The following VRK2 variants were observed in gnomAD, a reference collection of about 807,000 sequenced individuals.
VRK2 encodes VRK serine/threonine kinase 2, also known as serine/threonine-protein kinase VRK2.
In VRK2, 60 loss-of-function variants were observed where a neutral mutation model predicts 57.6. That is an observed-to-expected ratio of 1.04 (90% CI 0.85 to 1.29). The LOEUF (loss-of-function observed/expected upper bound fraction) is 1.29. VRK2 is among the 50% of genes most tolerant of loss of function. The pLI, the probability that VRK2 is intolerant of heterozygous loss-of-function variation, is 0.00. For synonymous variants in VRK2, 231 were observed against 199.2 expected, an observed-to-expected ratio of 1.16 and a Z score of -1.35; for missense variants, 705 against 588.1, an observed-to-expected ratio of 1.20 and a Z score of -2.06.
chr2:58,112,744 T>G (rs1260037511), intron 7 of VRK2, among the ~76,000 whole-genome samples: 1 of 151,966 alleles, frequency 6.6e-6, no homozygotes, highest in Non-Finnish European at 1.5e-5. Context: ...TTAGGGGAAG[T>G]GAATGAGCCC....
intron 7 of VRK2, among the ~76,000 whole-genome samples, chr2:58,107,116 G>A (rs1329991310): frequency 1.3e-5 from 2 of 152,020 alleles, no homozygotes; most frequent in African/African-American, 4.8e-5. Context: ...GGTTTCATAA[G>A]TATGCATGTA....
intron 1 of VRK2, among the ~76,000 whole-genome samples, chr2:57,930,824 A>G (rs1021839205): frequency 2.6e-5 from 4 of 152,214 alleles, no homozygotes; most frequent in African/African-American, 7.2e-5. Flanking sequence ...AATACCACAT[A>G]TAAGAGATAT....
chr2:58,010,071 C>G (rs1673374409), intron 1 of VRK2, among the ~76,000 whole-genome samples: 1 of 152,040 alleles, frequency 6.6e-6, no homozygotes, highest in Admixed American at 6.6e-5. Context: ...AAGCCTAGGG[C>G]AGGATTTATT....
At chr2:58,055,373 A>G (rs1466355374) in intron 2 of VRK2, among the ~76,000 whole-genome samples, 1 of 152,220 alleles carries the variant, frequency 6.6e-6, no homozygotes, top group Admixed American at 6.5e-5. Flanking sequence ...TTTGTGCTTA[A>G]GGTTAAAGGA....
At chr2:58,155,544 T>G (rs900298000) in intron 12 of VRK2, among the ~76,000 whole-genome samples, 2 of 152,072 alleles carry the variant, frequency 1.3e-5, no homozygotes, top group Non-Finnish European at 2.9e-5. Flanking sequence ...TGGGAAAGGT[T>G]GTCAGAGCTC....
intron 1 of VRK2, among the ~76,000 whole-genome samples, chr2:57,954,215 A>C (rs1465980829): frequency 6.6e-6 from 1 of 152,154 alleles, no homozygotes; most frequent in African/African-American, 2.4e-5. Flanking sequence ...AATATTATGC[A>C]ATACTTATTT....
At chr2:58,136,896 A>G (rs1454279921) in intron 10 of VRK2, among the ~76,000 whole-genome samples, 33 of 13,050 alleles carry the variant, frequency 2.5e-3, no homozygotes, top group East Asian at 0.062. Context: ...ATATATGTGT[A>G]TATATATCAT....
chr2:57,953,923 A>T (rs1671503703), intron 1 of VRK2, among the ~76,000 whole-genome samples: 1 of 152,210 alleles, frequency 6.6e-6, no homozygotes, highest in Non-Finnish European at 1.5e-5. Context: ...AATAATAGAT[A>T]ATATTACTTA....
chr2:58,066,820 G>A (rs1376199755), intron 2 of VRK2, among the ~76,000 whole-genome samples: 1 of 152,114 alleles, frequency 6.6e-6, no homozygotes, highest in Non-Finnish European at 1.5e-5. Flanking sequence ...GGTTTTTAAG[G>A]AATTGCTCCA....
chr2:58,020,966 T>C (rs1186791677), intron 1 of VRK2, among the ~76,000 whole-genome samples: 1 of 152,142 alleles, frequency 6.6e-6, no homozygotes, highest in Non-Finnish European at 1.5e-5. Flanking sequence ...GTTTTAAAAA[T>C]GGATAAAACT....
In VRK2 at chr2:58,159,737, C is replaced by G. The variant is rs1306990749; in HGVS notation, c.*44C>G. 6.2e-7 allele frequency: 1 copy of G among 1,612,716 alleles called. No individual in the cohort carries two copies. The highest frequency in any genetic ancestry group is 8.5e-7 in the Non-Finnish European group (1 of 1,179,554). Reference sequence around the variant, plus strand: ...TTTTGATAATTTTTTAAGTTTCCAGCTCTTCACCGAAATGTTGTATTCTTA... The same window carrying G: ...TTTTGATAATTTTTTAAGTTTCCAGGTCTTCACCGAAATGTTGTATTCTTA... On this transcript the variant is annotated 3_prime_UTR_variant, in exon 13 of 13. Coordinates refer to ENST00000340157, the MANE Select transcript of VRK2 (RefSeq NM_006296.7).
At chr2:58,036,536 C>T (rs1674279430) in intron 3 of VRK2, among the ~76,000 whole-genome samples, 1 of 151,872 alleles carries the variant, frequency 6.6e-6, no homozygotes, top group East Asian at 1.9e-4. Flanking sequence ...GCTGAGATAA[C>T]CCAATGTAAT....
At chr2:57,911,709 C>T (rs1461277570) in intron 1 of VRK2, among the ~76,000 whole-genome samples, 1 of 152,186 alleles carries the variant, frequency 6.6e-6, no homozygotes, top group East Asian at 1.9e-4. Context: ...TAATCACATA[C>T]ATTTATGGAT....
chr2:58,088,766 G>A (rs533878628), intron 6 of VRK2, among the ~76,000 whole-genome samples: 3 of 152,262 alleles, frequency 2.0e-5, no homozygotes, highest in African/African-American at 7.2e-5. Context: ...TTATAACAAT[G>A]CAAATTATGG....
intron 1 of VRK2, among the ~76,000 whole-genome samples, chr2:57,935,978 T>C (rs903114712): frequency 6.6e-6 from 1 of 152,204 alleles, no homozygotes; most frequent in African/African-American, 2.4e-5. Context: ...GATACTTTTT[T>C]AGATGGGTCA....
chr2:58,156,588 GTTTT>G (rs1414020091), intron 12 of VRK2, among the ~76,000 whole-genome samples: 1 of 119,344 alleles, frequency 8.4e-6, no homozygotes, highest in South Asian at 2.4e-4. Flanking sequence ...TGTTTTTTTT[GTTTT>G]GTTTTGTTTT....
intron 1 of VRK2, among the ~76,000 whole-genome samples, chr2:58,010,595 T>A (rs1320968394): frequency 1.3e-5 from 2 of 152,146 alleles, no homozygotes; most frequent in African/African-American, 4.8e-5. Context: ...AATATAGGTC[T>A]CCATTGGAAA....
intron 12 of VRK2, among the ~76,000 whole-genome samples, chr2:58,158,340 A>G (rs936387544): frequency 6.6e-6 from 1 of 152,214 alleles, no homozygotes; most frequent in Non-Finnish European, 1.5e-5. Context: ...ATTTAACTCT[A>G]AAGTGAGTCA....
At position 58,159,770 on chromosome 2, in the gene VRK2, G is replaced by C. The variant is rs1196056444; in HGVS notation, c.*77G>C. The C allele has an allele frequency of 2.5e-6, 4 of 1,612,958 alleles. No homozygotes were observed. Among genetic ancestry groups the C allele is most frequent in the Middle Eastern group, 1.6e-4 (1 of 6,078 alleles). On this transcript the variant is annotated 3_prime_UTR_variant, in exon 13 of 13. Transcript: ENST00000340157. ...CGAAATGTTGTATTCTTATTTCAGTGTTTCCTTCCAGACATTTTTAAGGTA... is the reference window on the plus strand; with the variant it reads ...CGAAATGTTGTATTCTTATTTCAGTCTTTCCTTCCAGACATTTTTAAGGTA...
Sources: allele counts gnomAD v4.1 joint callset (sites outside exome capture counted in the v4.1 genomes callset), GRCh38; gene constraint gnomAD v4.1.1; transcripts MANE v1.5; gene names NCBI Gene and HGNC (gene_info 2026-07-23, HGNC 2026-07-21).